The following SLC4A5 variants were observed in gnomAD, a reference collection of about 807,000 sequenced individuals.
SLC4A5 encodes electrogenic sodium bicarbonate cotransporter 4.
Under a neutral mutation model 120.4 loss-of-function variants are expected in SLC4A5, and 96 were observed. The ratio of observed to expected loss-of-function variants is 0.80; its 90% CI spans 0.68 to 0.94. The LOEUF (loss-of-function observed/expected upper bound fraction) is 0.94. Among genes scored for constraint, SLC4A5 ranks in the 40% least tolerant of loss-of-function variants. The probability of loss-of-function intolerance (pLI) is 0.00; values close to 1 mark genes in which losing one functional copy is unlikely to be tolerated. For synonymous variants in SLC4A5, 550 were observed against 571.1 expected, an observed-to-expected ratio of 0.96 and a Z score of 0.53; for missense variants, 1,259 against 1,459.5, an observed-to-expected ratio of 0.86 and a Z score of 2.24.
intron 26 of SLC4A5, 29 bp from the exon 27 acceptor site, chr2:74,227,159 C>A (rs1361248454): frequency 6.3e-7 from 1 of 1,577,700 alleles, no homozygotes; most frequent in Non-Finnish European, 8.6e-7. Context: ...CTCAGCCAGG[C>A]AGCCAGACCC....
At chr2:74,251,148 C>G (rs533121886) in intron 16 of SLC4A5, among the ~76,000 whole-genome samples, 1 of 152,126 alleles carries the variant, frequency 6.6e-6, no homozygotes, top group African/African-American at 2.4e-5. Context: ...CAGGGGCTGT[C>G]CCATGCACTG....
intron 19 of SLC4A5, among the ~76,000 whole-genome samples, chr2:74,244,602 G>A (rs950897222): frequency 1.0e-4 from 14 of 138,748 alleles, no homozygotes; most frequent in Admixed American, 2.3e-4. Context: ...CCTTGCTCTC[G>A]CTCTCCTTTT....
At chr2:74,290,101 T>C (rs1672110296) in intron 7 of SLC4A5, 4 of 977,310 alleles carry the variant, frequency 4.1e-6, no homozygotes, top group Non-Finnish European at 4.9e-6. Context: ...TGCTACTCCT[T>C]GGGCCCCTGT....
intron 2 of SLC4A5, among the ~76,000 whole-genome samples, chr2:74,341,859 G>T (rs1673636763): frequency 6.6e-6 from 1 of 152,204 alleles, no homozygotes; most frequent in African/African-American, 2.4e-5. Flanking sequence ...GGAAGGCTAA[G>T]ACACAAAAGG....
intron 6 of SLC4A5, among the ~76,000 whole-genome samples, chr2:74,314,308 C>G (rs1460304976): frequency 6.6e-6 from 1 of 152,074 alleles, no homozygotes; most frequent in Non-Finnish European, 1.5e-5. Context: ...TGCAGTTTGG[C>G]TCAGGACATG....
At chr2:74,337,613 T>C (rs375811078) in intron 3 of SLC4A5, among the ~76,000 whole-genome samples, 86 of 152,350 alleles carry the variant, frequency 5.6e-4, no homozygotes, top group African/African-American at 2.0e-3. Flanking sequence ...GGAAATGCAC[T>C]GTTTAAAAAA....
At chr2:74,335,329 T>C (rs1163295388) in intron 3 of SLC4A5, among the ~76,000 whole-genome samples, 1 of 152,182 alleles carries the variant, frequency 6.6e-6, no homozygotes, top group African/African-American at 2.4e-5. Flanking sequence ...CACACACTAT[T>C]GGGAATCATT....
chr2:74,245,226 G>T (rs527644553), intron 19 of SLC4A5, among the ~76,000 whole-genome samples: 21 of 152,294 alleles, frequency 1.4e-4, no homozygotes, highest in Admixed American at 1.1e-3. Flanking sequence ...GGCTGAGGCA[G>T]GAGAATCGCT....
chr2:74,267,679 G>T (rs371234297), intron 8 of SLC4A5, among the ~76,000 whole-genome samples: 8 of 152,290 alleles, frequency 5.3e-5, no homozygotes, highest in African/African-American at 1.9e-4. Context: ...CACTTTATTG[G>T]GGCGAATTAG....
chr2:74,225,067 A>G, intron 27 of SLC4A5, 72 bp from the exon 28 acceptor site: 2 of 1,495,596 alleles, frequency 1.3e-6, no homozygotes, highest in South Asian at 2.4e-5. Flanking sequence ...AAACTCAGGC[A>G]TAGATTTTTT....
chr2:74,229,383 G>A, intron 25 of SLC4A5, among the ~76,000 whole-genome samples: 1 of 151,612 alleles, frequency 6.6e-6, no homozygotes, highest in Non-Finnish European at 1.5e-5. Flanking sequence ...CTGAGTAGCT[G>A]GGACTACAGG....
At chr2:74,289,543 C>T (rs561193517) in intron 7 of SLC4A5, among the ~76,000 whole-genome samples, 1 of 152,272 alleles carries the variant, frequency 6.6e-6, no homozygotes, top group South Asian at 2.1e-4. Context: ...TCTCGAACTC[C>T]TGAGCTCAAG....
At chr2:74,307,472 G>A in intron 6 of SLC4A5, 1 of 625,420 alleles carries the variant, frequency 1.6e-6, no homozygotes, top group South Asian at 1.4e-5. Flanking sequence ...GCCCACGGAT[G>A]TCGCTCTCTA....
In SLC4A5 at chr2:74,304,669, T is replaced by A. The variant is rs763707324; in HGVS notation, c.91A>T (p.Ile31Phe). ...GTGGGTACTGGAAGCCCAATGTGGA[T>A]AGGAGGGCATTCTGTGGACACGGCA... The change falls in exon 7 of 31, where the codon ATC (isoleucine) becomes TTC (phenylalanine). Residue 31 changes from isoleucine to phenylalanine, a missense_variant. Ile to Phe is a conservative substitution (Grantham distance 21). Transcript: ENST00000394019. 3 of 1,612,808 alleles carry A rather than the reference T, an allele frequency of 1.9e-6. No homozygotes were observed. The Admixed American group carries it at 5.0e-5, about 27-fold the overall frequency.
rs776683823 is a variant in SLC4A5 at position 74,224,841 on chromosome 2, T to A, written c.3245A>T (p.Glu1082Val). The change falls in exon 28 of 31, where the codon GAG becomes GTG. Residue 1082 changes from glutamate to valine, a missense_variant and splice_region_variant. By Grantham distance (121) the Glu-to-Val change is moderately radical (BLOSUM62 -2). Coordinates refer to ENST00000394019, the Ensembl canonical transcript of SLC4A5. ...GCCCCGGCCTCACATCTTCCCCACC[T>A]CCTCATCACAGTCCTCGTGGGCCCC... 11 of 1,606,290 alleles carry A rather than the reference T, an allele frequency of 6.8e-6. No individual in the cohort carries two copies. In the Admixed American group the frequency reaches 1.9e-4, roughly 28 times the overall value.
chr2:74,270,024 AC>A (rs1439702704), intron 8 of SLC4A5, among the ~76,000 whole-genome samples: 2 of 152,204 alleles, frequency 1.3e-5, no homozygotes, highest in African/African-American at 4.8e-5. Context: ...AAGGGCGATA[AC>A]CCACATGAGA....
chr2:74,329,573 G>A (rs1221428900), intron 4 of SLC4A5, among the ~76,000 whole-genome samples: 5 of 151,402 alleles, frequency 3.3e-5, no homozygotes, highest in African/African-American at 7.3e-5. Flanking sequence ...TGGGCAACAC[G>A]GCGAGGCTCC....
At chr2:74,308,028 G>C in intron 6 of SLC4A5, 1 of 528,482 alleles carries the variant, frequency 1.9e-6, no homozygotes, top group Admixed American at 2.0e-5. Flanking sequence ...GGAGGAGAGT[G>C]AGAGGAAAGG....
In SLC4A5 at chr2:74,304,008, C is replaced by T. The variant is rs376734476; in HGVS notation, c.271+481G>A. ...GGGACTACAGGCACCCGCCACTACGCCCGGCTAATTTTTTGTATTTTTAGT... is the reference window on the plus strand; with the variant it reads ...GGGACTACAGGCACCCGCCACTACGTCCGGCTAATTTTTTGTATTTTTAGT... On this transcript the variant is annotated intron_variant, in intron 7 of 30. Coordinates refer to ENST00000394019, the Ensembl canonical transcript of SLC4A5. Among the ~76,000 whole-genome samples, 17 of 151,994 alleles carry T rather than the reference C, an allele frequency of 1.1e-4. 1 individual carries two copies. Among genetic ancestry groups the T allele is most frequent in the African/African-American group, 3.4e-4 (14 of 41,440 alleles).
Sources: allele counts gnomAD v4.1 joint callset (sites outside exome capture counted in the v4.1 genomes callset), GRCh38; gene constraint gnomAD v4.1.1; transcripts MANE v1.5; gene names NCBI Gene and HGNC (gene_info 2026-07-23, HGNC 2026-07-21).